The following MGLL variants were observed in gnomAD, a reference collection of about 807,000 sequenced individuals.
The protein encoded by MGLL is lysophospholipase homolog.
MGLL carries 7 observed loss-of-function variants against 29.1 expected under a neutral mutation model. The ratio of observed to expected loss-of-function variants is 0.24; its 90% confidence interval spans 0.14 to 0.45. The LOEUF is 0.45. MGLL is among the 20% of genes least tolerant of loss of function. The probability of loss-of-function intolerance (pLI) is 0.99; values close to 1 mark genes in which losing one functional copy is unlikely to be tolerated. For missense variants in MGLL, 356 were observed against 413.6 expected (o/e 0.86, Z 1.21); for synonymous variants, 148 against 168.3 (o/e 0.88, Z 0.93).
intron 2 of MGLL, chr3:127,799,530 G>A (rs2077441615): frequency 6.6e-6 from 1 of 152,188 alleles, no homozygotes; most frequent in African/African-American, 2.4e-5. Flanking sequence ...TTTGCCAGCT[G>A]TATCCTACTA....
intron 2 of MGLL, among the ~76,000 whole-genome samples, chr3:127,815,922 G>A (rs1259923441): frequency 5.3e-5 from 8 of 152,314 alleles, no homozygotes; most frequent in South Asian, 4.2e-4. Flanking sequence ...CCATGTAGAC[G>A]TCAATAAGGA....
At chr3:127,731,945 C>T (rs1458300428) in intron 3 of MGLL, among the ~76,000 whole-genome samples, 10 of 152,198 alleles carry the variant, frequency 6.6e-5, no homozygotes, top group Admixed American at 3.3e-4. Flanking sequence ...ATAATAAATT[C>T]GTGATAATCC....
intron 6 of MGLL, among the ~76,000 whole-genome samples, chr3:127,702,667 T>C (rs552659044): frequency 1.8e-4 from 28 of 152,306 alleles, no homozygotes; most frequent in Admixed American, 3.3e-4. Context: ...AGTATGAAGG[T>C]TTGAACTCCT....
intron 6 of MGLL, among the ~76,000 whole-genome samples, chr3:127,707,054 TC>T (rs2107601122): frequency 6.6e-6 from 1 of 152,150 alleles, no homozygotes; most frequent in South Asian, 2.1e-4. Context: ...GAGTGGCCAC[TC>T]CTCATGGCTC....
At chr3:127,726,695 G>A (rs1046723355) in intron 3 of MGLL, among the ~76,000 whole-genome samples, 1 of 152,148 alleles carries the variant, frequency 6.6e-6, no homozygotes. Flanking sequence ...CTCCCAAATT[G>A]CTGGGATTAC....
intron 3 of MGLL, among the ~76,000 whole-genome samples, chr3:127,756,939 T>G (rs776694007): frequency 6.6e-6 from 1 of 152,234 alleles, no homozygotes; most frequent in Admixed American, 6.5e-5. Flanking sequence ...TCCATGTTTC[T>G]TGCCATACAT....
intron 2 of MGLL, among the ~76,000 whole-genome samples, chr3:127,788,193 T>C (rs1265576642): frequency 6.6e-6 from 1 of 152,178 alleles, no homozygotes; most frequent in Non-Finnish European, 1.5e-5. Flanking sequence ...TGCTGCCTGG[T>C]ACAGAGTTAG....
chr3:127,781,182 T>C (rs1474994229), intron 3 of MGLL, among the ~76,000 whole-genome samples: 2 of 151,674 alleles, frequency 1.3e-5, no homozygotes, highest in East Asian at 3.8e-4. Context: ...CACATGTGTA[T>C]GTATGTGTGT....
intron 2 of MGLL, among the ~76,000 whole-genome samples, chr3:127,808,466 G>C (rs889008129): frequency 6.6e-6 from 1 of 152,188 alleles, no homozygotes; most frequent in African/African-American, 2.4e-5. Context: ...ATTGATCACT[G>C]ACTTGCACTG....
intron 2 of MGLL, among the ~76,000 whole-genome samples, chr3:127,820,290 T>G (rs1226434677): frequency 2.0e-5 from 3 of 152,130 alleles, no homozygotes; most frequent in Non-Finnish European, 4.4e-5. Context: ...CTCCCTGCAA[T>G]GCAACTTCAG....
At chr3:127,764,295 G>A (rs1351457421) in intron 3 of MGLL, among the ~76,000 whole-genome samples, 3 of 152,214 alleles carry the variant, frequency 2.0e-5, no homozygotes, top group African/African-American at 7.2e-5. Flanking sequence ...TCTCATTTGG[G>A]GAAGAAGTCG....
In MGLL at chr3:127,710,648, C is replaced by A. The variant is rs1220666522; in HGVS notation, c.528G>T (p.Val176=). 1 of 1,572,044 alleles carries A rather than the reference C, an allele frequency of 6.4e-7. No homozygotes were observed. The highest frequency in any genetic ancestry group is 8.6e-7 in the Non-Finnish European group (1 of 1,157,692). ...ATTFKVLAAK[V]LNLVLPNLSL... ...ACAAGTTTGGCAGCACAAGGTTGAG[C>A]ACTTTCGCAGCAAGGACCTAGCCGG... is the stretch of plus-strand genomic sequence containing the variant. Residue 176 remains valine (V), a synonymous_variant, in exon 6 of 8, where the codon GTG becomes GTT. Coordinates refer to ENST00000265052, the MANE Select transcript of MGLL (RefSeq NM_007283.7).
intron 2 of MGLL, among the ~76,000 whole-genome samples, chr3:127,795,557 T>C (rs1293791739): frequency 6.6e-6 from 1 of 152,094 alleles, no homozygotes; most frequent in African/African-American, 2.4e-5. Flanking sequence ...TAAAAGTTGA[T>C]ACTTTAAAAA....
chr3:127,716,812 A>G (rs1431769925), intron 5 of MGLL, among the ~76,000 whole-genome samples: 2 of 152,200 alleles, frequency 1.3e-5, no homozygotes, highest in Non-Finnish European at 2.9e-5. Flanking sequence ...GCACTATGAC[A>G]AGGGTCATAG....
chr3:127,738,652 G>A (rs2076285738), intron 3 of MGLL, among the ~76,000 whole-genome samples: 4 of 152,130 alleles, frequency 2.6e-5, no homozygotes, highest in Admixed American at 6.6e-5. Flanking sequence ...TCTCCATCTG[G>A]GCACACTGCT....
chr3:127,804,406 C>A lies in MGLL; in HGVS notation c.155+17288G>T, dbSNP rs149133427. Among the ~76,000 whole-genome samples, 611 of 152,326 alleles carry A rather than the reference C, an allele frequency of 4.0e-3. 3 individuals carry two copies. The highest frequency in any genetic ancestry group is 0.014 in the African/African-American group (585 of 41,574). On this transcript the variant is annotated intron_variant, in intron 2 of 7. Transcript: ENST00000265052. ...CCACTGATCGCTTCTGCTCACTTGT[C>A]CCCCATCCCACAGTGACTCCCTGAG...
intron 3 of MGLL, among the ~76,000 whole-genome samples, chr3:127,736,611 T>C (rs1299822529): frequency 6.6e-6 from 1 of 152,248 alleles, no homozygotes; most frequent in Non-Finnish European, 1.5e-5. Context: ...GAAAAGAGCC[T>C]CATTTGTTAA....
rs114624999 is a variant in MGLL, at chr3:127,810,804, C to G, written c.155+10890G>C. On this transcript the variant is annotated intron_variant, in intron 2 of 7. Transcript: ENST00000265052. ...CACAGTACTGAGTTTACATCTGGAG[C>G]TCAATTAATACCTGTTGAACCATTC... 9.7e-3 allele frequency among the ~76,000 whole-genome samples: 1,471 copies of G among 152,316 alleles called. 29 individuals carry two copies. The highest frequency in any genetic ancestry group is 0.034 in the African/African-American group (1,401 of 41,556).
chr3:127,717,180 A>G (rs924936969), intron 5 of MGLL, among the ~76,000 whole-genome samples: 1 of 152,164 alleles, frequency 6.6e-6, no homozygotes, highest in Non-Finnish European at 1.5e-5. Context: ...CTGGGTCCAA[A>G]TTCACCTGAA....
Sources: allele counts gnomAD v4.1 joint callset (sites outside exome capture counted in the v4.1 genomes callset), GRCh38; gene constraint gnomAD v4.1.1; transcripts MANE v1.5; gene names NCBI Gene and HGNC (gene_info 2026-07-23, HGNC 2026-07-21).